The following ST18 variants were observed in gnomAD, a reference collection of about 807,000 sequenced individuals.
ST18 encodes ST18 C2H2C-type zinc finger transcription factor.
ST18 carries 50 observed loss-of-function variants against 110.0 expected under a neutral mutation model. That is an observed-to-expected ratio of 0.45 (90% CI 0.36 to 0.58). ST18 has a LOEUF of 0.58. Ranked by LOEUF, ST18 falls within the 20% of genes least tolerant of loss-of-function variation. The pLI, the probability that ST18 is intolerant of heterozygous loss-of-function variation, is 0.00. For synonymous variants in ST18, 461 were observed against 452.4 expected, an observed-to-expected ratio of 1.02 and a Z score of -0.24; for missense variants, 1,306 against 1,280.1, an observed-to-expected ratio of 1.02 and a Z score of -0.31.
intron 24 of ST18, among the ~76,000 whole-genome samples, chr8:52,117,486 G>A (rs73679133): frequency 0.011 from 1,670 of 152,304 alleles, 25 homozygotes; most frequent in African/African-American, 0.036. Context: ...AGAGGGCTTT[G>A]TGTTCTTTGC....
chr8:52,337,622 G>A (rs1812741023), intron 2 of ST18, among the ~76,000 whole-genome samples: 1 of 152,176 alleles, frequency 6.6e-6, no homozygotes, highest in South Asian at 2.1e-4. Flanking sequence ...AAGGTGTGGG[G>A]CTAAACCCAG....
At chr8:52,168,094 G>C (rs1278712767) in intron 10 of ST18, among the ~76,000 whole-genome samples, 1 of 151,366 alleles carries the variant, frequency 6.6e-6, no homozygotes, top group Non-Finnish European at 1.5e-5. Flanking sequence ...ACTTGTGCTG[G>C]GAATAACACC....
intron 2 of ST18, among the ~76,000 whole-genome samples, chr8:52,321,750 A>G (rs1804016421): frequency 2.6e-5 from 4 of 152,234 alleles, no homozygotes; most frequent in Admixed American, 2.6e-4. Flanking sequence ...ATTAAGTCAG[A>G]AAAGGATTTA....
intron 2 of ST18, among the ~76,000 whole-genome samples, chr8:52,323,456 C>G (rs2139944183): frequency 1.3e-5 from 2 of 152,182 alleles, no homozygotes; most frequent in East Asian, 3.9e-4. Context: ...ATTGTGGTGT[C>G]CAGCGTGCTG....
At chr8:52,332,545 T>TC (rs937143284) in intron 2 of ST18, among the ~76,000 whole-genome samples, 2 of 146,854 alleles carry the variant, frequency 1.4e-5, no homozygotes, top group African/African-American at 5.2e-5. Flanking sequence ...TTTTTTTTTT[T>TC]TTTTTTTTTT....
chr8:52,123,470 C>T (rs528749493), intron 23 of ST18, among the ~76,000 whole-genome samples: 3 of 152,314 alleles, frequency 2.0e-5, no homozygotes, highest in Admixed American at 1.3e-4. Context: ...AGAGCAGACC[C>T]CCAAACCACT....
intron 25 of ST18, among the ~76,000 whole-genome samples, chr8:52,113,746 C>A (rs146116251): frequency 6.6e-6 from 1 of 151,930 alleles, no homozygotes; most frequent in South Asian, 2.1e-4. Flanking sequence ...CTAAGTGGTG[C>A]CCTTAACAGC....
intron 2 of ST18, among the ~76,000 whole-genome samples, chr8:52,251,521 T>A (rs998707356): frequency 6.6e-6 from 1 of 152,078 alleles, no homozygotes; most frequent in Non-Finnish European, 1.5e-5. Context: ...TTTTAAATCA[T>A]TGAAGTGATT....
In ST18 at chr8:52,164,065, C is replaced by T; in HGVS notation, c.1321G>A (p.Ala441Thr). ...RSLSGCPIAA[A>T]EKLAMSQDKN... ...TCCTGGGACATTGCCAATTTTTCAG[C>T]TGCAGCAATTGGACAACCAGAAAGA... The change falls in exon 13 of 26, where the codon GCT (alanine) becomes ACT (threonine). Residue 441 changes from alanine to threonine, a missense_variant. Transcript: ENST00000689386. 7 of 1,614,082 alleles carry T rather than the reference C, an allele frequency of 4.3e-6. No individual in the cohort carries two copies. The highest frequency in any genetic ancestry group is 1.3e-5 in the African/African-American group (1 of 75,000).
At chr8:52,283,672 A>T (rs886388095) in intron 2 of ST18, among the ~76,000 whole-genome samples, 1 of 152,150 alleles carries the variant, frequency 6.6e-6, no homozygotes, top group Non-Finnish European at 1.5e-5. Flanking sequence ...TGTTAAAGAC[A>T]CTGTTGGCTT....
At chr8:52,271,172 A>T (rs1210108652) in intron 2 of ST18, among the ~76,000 whole-genome samples, 1 of 152,228 alleles carries the variant, frequency 6.6e-6, no homozygotes, top group East Asian at 1.9e-4. Context: ...AGGGTTATAC[A>T]TTTTTAAAGT....
intron 2 of ST18, among the ~76,000 whole-genome samples, chr8:52,316,630 A>G (rs1316104729): frequency 6.6e-6 from 1 of 152,176 alleles, no homozygotes; most frequent in African/African-American, 2.4e-5. Flanking sequence ...ACTATTTTGA[A>G]TGTAGTCTCC....
intron 2 of ST18, among the ~76,000 whole-genome samples, chr8:52,252,810 TAGA>T (rs1469199461): frequency 1.3e-5 from 2 of 151,874 alleles, no homozygotes; most frequent in Admixed American, 6.6e-5. Flanking sequence ...ATTGAATATT[TAGA>T]AGAAGGAGAA....
At chr8:52,233,097 T>C (rs1182585800) in intron 2 of ST18, among the ~76,000 whole-genome samples, 1 of 152,122 alleles carries the variant, frequency 6.6e-6, no homozygotes, top group Non-Finnish European at 1.5e-5. Flanking sequence ...GATAATAATA[T>C]CACAAATAAA....
intron 2 of ST18, among the ~76,000 whole-genome samples, chr8:52,330,153 AG>A (rs1808526613): frequency 6.6e-6 from 1 of 152,206 alleles, no homozygotes; most frequent in Admixed American, 6.5e-5. Flanking sequence ...TTATGTGTCT[AG>A]TAGATTAATA....
chr8:52,210,651 C>A (rs1357640255), intron 8 of ST18, among the ~76,000 whole-genome samples: 1 of 151,580 alleles, frequency 6.6e-6, no homozygotes, highest in Non-Finnish European at 1.5e-5. Context: ...GAGTGAGACC[C>A]TTTTTGAGAC....
At chr8:52,388,149 G>A (rs939056321) in intron 2 of ST18, among the ~76,000 whole-genome samples, 2 of 152,202 alleles carry the variant, frequency 1.3e-5, no homozygotes, top group Non-Finnish European at 2.9e-5. Flanking sequence ...AGCAATTTGA[G>A]CATAAGGAGC....
intron 2 of ST18, among the ~76,000 whole-genome samples, chr8:52,399,946 A>AATCCAG (rs1202142721): frequency 6.6e-6 from 1 of 152,172 alleles, no homozygotes; most frequent in African/African-American, 2.4e-5. Flanking sequence ...GTGAAGCTCA[A>AATCCAG]ATCCAGTGTT....
At chr8:52,397,926 G>T (rs1369386380) in intron 2 of ST18, among the ~76,000 whole-genome samples, 3 of 151,686 alleles carry the variant, frequency 2.0e-5, no homozygotes, top group Admixed American at 6.6e-5. Flanking sequence ...TGGCTAGTCA[G>T]GCATTTCTGT....
Sources: allele counts gnomAD v4.1 joint callset (sites outside exome capture counted in the v4.1 genomes callset), GRCh38; gene constraint gnomAD v4.1.1; transcripts MANE v1.5; gene names NCBI Gene and HGNC (gene_info 2026-07-23, HGNC 2026-07-21).